RIMS2: variants seen among roughly 807,000 people sequenced by gnomAD.
RIMS2 encodes the protein regulating synaptic membrane exocytosis 2, also known as regulating synaptic membrane exocytosis protein 2.
A neutral mutation model predicts 174.4 loss-of-function variants in RIMS2; 59 were observed. That is an observed-to-expected ratio of 0.34 (90% CI 0.27 to 0.42). RIMS2 has a LOEUF of 0.42. Ranked by LOEUF, RIMS2 falls within the 10% of genes least tolerant of loss-of-function variation. The probability of loss-of-function intolerance (pLI) is 1.00; values close to 1 mark genes in which losing one functional copy is unlikely to be tolerated. For synonymous variants in RIMS2, 606 were observed against 572.5 expected (o/e 1.06, Z -0.84); for missense variants, 1,620 against 1,666.3 (o/e 0.97, Z 0.48).
intron 19 of RIMS2, among the ~76,000 whole-genome samples, chr8:104,225,967 C>T (rs899523640): frequency 1.8e-4 from 28 of 152,162 alleles, no homozygotes; most frequent in African/African-American, 6.3e-4. Context: ...AAAGGTATTT[C>T]AACATACTCT....
chr8:103,610,862 C>T (rs1249300866), intron 1 of RIMS2, among the ~76,000 whole-genome samples: 3 of 152,132 alleles, frequency 2.0e-5, no homozygotes, highest in African/African-American at 7.2e-5. Context: ...GAGAGGAGTT[C>T]ATTCACAATT....
chr8:104,233,459 A>G (rs2139393735), intron 19 of RIMS2, among the ~76,000 whole-genome samples: 1 of 152,344 alleles, frequency 6.6e-6, no homozygotes, highest in Non-Finnish European at 1.5e-5. Context: ...ACACAAAACA[A>G]TCAGTCATCT....
chr8:103,809,579 T>A (rs1333357066), intron 3 of RIMS2, among the ~76,000 whole-genome samples: 1 of 152,100 alleles, frequency 6.6e-6, no homozygotes, highest in African/African-American at 2.4e-5. Flanking sequence ...TAAATACTTG[T>A]TGAGTGAATG....
At chr8:103,664,710 C>T (rs1277812700) in intron 1 of RIMS2, among the ~76,000 whole-genome samples, 1 of 152,192 alleles carries the variant, frequency 6.6e-6, no homozygotes, top group Non-Finnish European at 1.5e-5. Context: ...TTGTGGAAGA[C>T]AGTGTGACAA....
chr8:103,808,149 G>C (rs1437441211), intron 3 of RIMS2, among the ~76,000 whole-genome samples: 1 of 152,096 alleles, frequency 6.6e-6, no homozygotes, highest in African/African-American at 2.4e-5. Context: ...TTGAAGCACA[G>C]GAAAACAAGC....
chr8:103,915,450 C>T lies in RIMS2; in HGVS notation c.1813-45C>T, dbSNP rs527880440. 9 of 1,170,110 alleles carry T rather than the reference C, an allele frequency of 7.7e-6. No homozygotes were observed. In the South Asian group the frequency reaches 1.1e-4, roughly 14 times the overall value. 72.5% of individuals were successfully genotyped at this position (1,170,110 alleles called of 1,614,324 possible). Reference sequence around the variant, plus strand: ...TTTTACCTGAATCTTCAACCATGCTCATTTTAACAATATTCCCATGTTAAT... The same window carrying T: ...TTTTACCTGAATCTTCAACCATGCTTATTTTAACAATATTCCCATGTTAAT... On this transcript the variant is annotated intron_variant, in intron 6 of 23. Coordinates refer to ENST00000504942, the Ensembl canonical transcript of RIMS2.
At chr8:104,019,834 T>C (rs114449223) in intron 19 of RIMS2, among the ~76,000 whole-genome samples, 104 of 152,282 alleles carry the variant, frequency 6.8e-4, no homozygotes, top group African/African-American at 2.5e-3. Flanking sequence ...TCTCATATAG[T>C]CCATACAAAC....
At chr8:104,019,984 A>G (rs947343861) in intron 19 of RIMS2, among the ~76,000 whole-genome samples, 2 of 152,114 alleles carry the variant, frequency 1.3e-5, no homozygotes, top group Non-Finnish European at 2.9e-5. Flanking sequence ...CATGTGCTAA[A>G]CCAGTTTGTT....
At position 104,136,336 on chromosome 8, in the gene RIMS2, A is replaced by T. The variant is rs76534365; in HGVS notation, c.3335-108580A>T. On this transcript the variant is annotated intron_variant, in intron 19 of 23. Coordinates refer to ENST00000504942, the Ensembl canonical transcript of RIMS2. ...GTGTATGGGAAAGTCTACATTTTGG[A>T]GTTTTGGAATGTTTTCTAGGGATAA... is the stretch of plus-strand genomic sequence containing the variant. Among the ~76,000 whole-genome samples, 1,231 of 152,236 alleles carry T rather than the reference A, an allele frequency of 8.1e-3. 21 individuals are homozygous for T. Among genetic ancestry groups the T allele is most frequent in the Non-Finnish European group, 7.3e-3 (494 of 68,002 alleles).
At chr8:104,146,724 G>A (rs1254780058) in intron 19 of RIMS2, among the ~76,000 whole-genome samples, 1 of 151,892 alleles carries the variant, frequency 6.6e-6, no homozygotes, top group Non-Finnish European at 1.5e-5. Context: ...TTTCTGAGAC[G>A]GGATCTAACT....
At chr8:103,682,617 G>T (rs1360271951) in intron 1 of RIMS2, among the ~76,000 whole-genome samples, 1 of 152,082 alleles carries the variant, frequency 6.6e-6, no homozygotes, top group African/African-American at 2.4e-5. Flanking sequence ...TATGATCTTG[G>T]CAAGGAACGT....
intron 2 of RIMS2, among the ~76,000 whole-genome samples, chr8:103,729,869 ATTGATTTTTAGTTT>A (rs1461487858): frequency 1.2e-4 from 18 of 152,032 alleles, no homozygotes; most frequent in Admixed American, 9.2e-4. Context: ...TCCTCTTGTT[ATTGATTTTTAGTTT>A]TATTTCATTG....
chr8:103,757,641 C>T (rs1352889175), intron 2 of RIMS2, among the ~76,000 whole-genome samples: 1 of 152,044 alleles, frequency 6.6e-6, no homozygotes, highest in East Asian at 1.9e-4. Context: ...CTTATATGGC[C>T]CCCAACTCTT....
At chr8:103,993,880 T>G (rs1368070619) in intron 17 of RIMS2, among the ~76,000 whole-genome samples, 2 of 151,488 alleles carry the variant, frequency 1.3e-5, no homozygotes, top group East Asian at 1.9e-4. Flanking sequence ...ACACAAAAAA[T>G]AAAAAATAAA....
At chr8:103,565,153 A>G (rs2092182166) in intron 1 of RIMS2, among the ~76,000 whole-genome samples, 1 of 152,176 alleles carries the variant, frequency 6.6e-6, no homozygotes, top group Non-Finnish European at 1.5e-5. Context: ...ACTACATAGC[A>G]CCTGTGCCCT....
At chr8:103,779,665 A>G (rs1339901496) in intron 3 of RIMS2, among the ~76,000 whole-genome samples, 1 of 148,716 alleles carries the variant, frequency 6.7e-6, no homozygotes, top group Non-Finnish European at 1.5e-5. Flanking sequence ...AGAAAACCAA[A>G]CACCGCATGT....
chr8:103,763,387 T>C (rs77264536), intron 2 of RIMS2, among the ~76,000 whole-genome samples: 23,660 of 150,476 alleles, frequency 0.16, 1,954 homozygotes, highest in Middle Eastern at 0.24. Context: ...AGTGAACTGA[T>C]ATTGTGCCGC....
intron 19 of RIMS2, among the ~76,000 whole-genome samples, chr8:104,038,882 A>C (rs1565975521): frequency 6.6e-6 from 1 of 151,842 alleles, no homozygotes; most frequent in Admixed American, 6.6e-5. Context: ...TTATTTGCTA[A>C]AGTTATATTT....
In RIMS2 at chr8:103,916,549, T is replaced by G; in HGVS notation, c.2036+12T>G. ...TCAAGGCCTATTGGGTAAGTTGGTTTCAGTATTTTATATGTGTGTGAAGTT... is the reference window on the plus strand; with the variant it reads ...TCAAGGCCTATTGGGTAAGTTGGTTGCAGTATTTTATATGTGTGTGAAGTT... On this transcript the variant is annotated intron_variant, in intron 8 of 23. Coordinates refer to ENST00000504942, the Ensembl canonical transcript of RIMS2. The G allele has an allele frequency of 6.3e-7, 1 of 1,597,276 alleles. No homozygotes were observed. Among genetic ancestry groups the G allele is most frequent in the South Asian group, 1.1e-5 (1 of 88,104 alleles).
Sources: allele counts gnomAD v4.1 joint callset (sites outside exome capture counted in the v4.1 genomes callset), GRCh38; gene constraint gnomAD v4.1.1; transcripts MANE v1.5; gene names NCBI Gene and HGNC (gene_info 2026-07-23, HGNC 2026-07-21).